Variants in HS3ST4 observed in about 807,000 individuals in gnomAD.
The protein encoded by HS3ST4 is heparan sulfate glucosamine 3-O-sulfotransferase 4.
A neutral mutation model predicts 29.2 loss-of-function variants in HS3ST4; 17 were observed. The ratio of observed to expected loss-of-function variants is 0.58; its 90% CI spans 0.40 to 0.87. HS3ST4 has a LOEUF of 0.87. Ranked by LOEUF, HS3ST4 falls within the 40% of genes least tolerant of loss-of-function variation. The pLI, the probability that HS3ST4 is intolerant of heterozygous loss-of-function variation, is 0.00. For missense variants in HS3ST4, 627 were observed against 634.5 expected, an observed-to-expected ratio of 0.99 and a Z score of 0.13; for synonymous variants, 314 against 285.7, an observed-to-expected ratio of 1.10 and a Z score of -1.00.
intron 1 of HS3ST4, among the ~76,000 whole-genome samples, chr16:25,908,646 G>A (rs1460657885): frequency 6.6e-6 from 1 of 152,202 alleles, no homozygotes; most frequent in Non-Finnish European, 1.5e-5. Context: ...AACCCTCAAG[G>A]TCAAGTGTAG....
At position 25,899,012 on chromosome 16, in the gene HS3ST4, A is replaced by G. The variant is rs536354912; in HGVS notation, c.734+205861A>G. Among the ~76,000 whole-genome samples, 39 of 152,370 alleles carry G rather than the reference A, an allele frequency of 2.6e-4. No homozygotes were observed. The South Asian group carries it at 7.0e-3, about 28-fold the overall frequency. ...TGGACCCTAACTTGTTTCACTGTCT[A>G]GATGTCTTTCACACCGTGGCACAGT... On this transcript the variant is annotated intron_variant, in intron 1 of 1. Coordinates refer to ENST00000331351, the MANE Select transcript of HS3ST4 (RefSeq NM_006040.3).
At position 25,971,726 on chromosome 16, in the gene HS3ST4, C is replaced by A. The variant is rs143771721; in HGVS notation, c.735-163886C>A. On this transcript the variant is annotated intron_variant, in intron 1 of 1. Coordinates refer to ENST00000331351, the MANE Select transcript of HS3ST4 (RefSeq NM_006040.3). The stretch of plus-strand genomic sequence containing the variant: ...TAATCACGAGGTCAGGAGTTCGAGA[C>A]CAGCCTGGCCAACATGGTGAAACCC... 5.5e-3 allele frequency among the ~76,000 whole-genome samples: 839 copies of A among 152,240 alleles called. 7 individuals are homozygous for A. The highest frequency in any genetic ancestry group is 0.019 in the African/African-American group (801 of 41,538).
At chr16:25,842,881 A>G (rs904184274) in intron 1 of HS3ST4, among the ~76,000 whole-genome samples, 13 of 152,166 alleles carry the variant, frequency 8.5e-5, no homozygotes, top group Non-Finnish European at 1.3e-4. Flanking sequence ...TTTTGCACCT[A>G]TAAAATGAGG....
chr16:25,800,874 A>T (rs1167861431), intron 1 of HS3ST4, among the ~76,000 whole-genome samples: 1 of 152,168 alleles, frequency 6.6e-6, no homozygotes, highest in East Asian at 1.9e-4. Flanking sequence ...CAAAGCAGAA[A>T]ATGAGCCCTC....
intron 1 of HS3ST4, among the ~76,000 whole-genome samples, chr16:25,878,556 G>C (rs72780776): frequency 0.028 from 4,273 of 152,220 alleles, 76 homozygotes; most frequent in South Asian, 0.07. Context: ...GCCACGTCAC[G>C]CTATGGACTA....
At chr16:25,939,953 C>T (rs552701832) in intron 1 of HS3ST4, among the ~76,000 whole-genome samples, 4 of 152,210 alleles carry the variant, frequency 2.6e-5, no homozygotes, top group Admixed American at 6.5e-5. Context: ...CAAAGTGCCC[C>T]GGGAGTTACA....
At chr16:26,053,615 A>G (rs1000293383) in intron 1 of HS3ST4, among the ~76,000 whole-genome samples, 30 of 152,162 alleles carry the variant, frequency 2.0e-4, no homozygotes, top group African/African-American at 7.2e-4. Context: ...TGGGACTTTC[A>G]TGTATGTTCC....
chr16:26,029,929 T>C (rs565395319), intron 1 of HS3ST4, among the ~76,000 whole-genome samples: 1 of 152,304 alleles, frequency 6.6e-6, no homozygotes, highest in African/African-American at 2.4e-5. Flanking sequence ...CTGCACACAC[T>C]GACCTCTTTG....
intron 1 of HS3ST4, among the ~76,000 whole-genome samples, chr16:26,099,881 T>C (rs1189471659): frequency 6.6e-6 from 1 of 151,846 alleles, no homozygotes; most frequent in Non-Finnish European, 1.5e-5. Context: ...CTAGAGAAAA[T>C]CAAGGATTTT....
intron 1 of HS3ST4, among the ~76,000 whole-genome samples, chr16:25,753,791 TTTC>T (rs1374542540): frequency 7.9e-5 from 12 of 152,084 alleles, no homozygotes; most frequent in African/African-American, 2.9e-4. Flanking sequence ...AACAAATGGG[TTTC>T]ACTTATTTTT....
chr16:26,131,247 C>T (rs749007357), intron 1 of HS3ST4, among the ~76,000 whole-genome samples: 1 of 152,220 alleles, frequency 6.6e-6, no homozygotes, highest in East Asian at 1.9e-4. Context: ...ATCTCTGCCA[C>T]ACTCCTATCT....
chr16:25,916,208 G>T (rs1275557164), intron 1 of HS3ST4, among the ~76,000 whole-genome samples: 1 of 152,200 alleles, frequency 6.6e-6, no homozygotes, highest in Non-Finnish European at 1.5e-5. Context: ...ATCTAGATCT[G>T]TCTGGCTCCA....
intron 1 of HS3ST4, among the ~76,000 whole-genome samples, chr16:26,116,016 T>C (rs1266663495): frequency 6.6e-6 from 1 of 152,232 alleles, no homozygotes; most frequent in Non-Finnish European, 1.5e-5. Context: ...TTCTCACAGT[T>C]TCTATGGTTC....
intron 1 of HS3ST4, among the ~76,000 whole-genome samples, chr16:26,098,554 G>A (rs1045383903): frequency 6.6e-6 from 1 of 152,058 alleles, no homozygotes; most frequent in African/African-American, 2.4e-5. Flanking sequence ...TGGACACAGG[G>A]CAGGGAACAT....
At chr16:25,802,829 T>G (rs1395828362) in intron 1 of HS3ST4, among the ~76,000 whole-genome samples, 1 of 152,038 alleles carries the variant, frequency 6.6e-6, no homozygotes, top group Non-Finnish European at 1.5e-5. Flanking sequence ...TCAAGGTGTC[T>G]TACACTTTTG....
At chr16:25,954,914 T>C (rs1269109741) in intron 1 of HS3ST4, among the ~76,000 whole-genome samples, 1 of 152,218 alleles carries the variant, frequency 6.6e-6, no homozygotes, top group African/African-American at 2.4e-5. Context: ...AAGCCTGGGA[T>C]GAGAGAGACC....
chr16:25,957,697 G>A (rs1308002321), intron 1 of HS3ST4, among the ~76,000 whole-genome samples: 1 of 152,142 alleles, frequency 6.6e-6, no homozygotes. Flanking sequence ...GGCATTACAG[G>A]TGTAAGCCAC....
intron 1 of HS3ST4, among the ~76,000 whole-genome samples, chr16:26,090,121 C>T (rs1418038251): frequency 1.3e-5 from 2 of 152,028 alleles, no homozygotes; most frequent in African/African-American, 4.8e-5. Flanking sequence ...ATTTCTGTCC[C>T]CTAATTTTCA....
chr16:25,715,105 G>A (rs1444949938), intron 1 of HS3ST4, among the ~76,000 whole-genome samples: 1 of 151,790 alleles, frequency 6.6e-6, no homozygotes, highest in Non-Finnish European at 1.5e-5. Flanking sequence ...GGTGGATCAC[G>A]AGGTCAGGAG....
Sources: allele counts gnomAD v4.1 joint callset (sites outside exome capture counted in the v4.1 genomes callset), GRCh38; gene constraint gnomAD v4.1.1; transcripts MANE v1.5; gene names NCBI Gene and HGNC (gene_info 2026-07-23, HGNC 2026-07-21).